The following RHOH variants were observed in gnomAD, a reference collection of about 807,000 sequenced individuals.
RHOH encodes the protein rho-related GTP-binding protein RhoH.
In RHOH, 6 loss-of-function variants were observed where a neutral mutation model predicts 13.8. The observed-to-expected ratio is 0.44, with a 90% CI of 0.24 to 0.86. The LOEUF is 0.86. Ranked by LOEUF, RHOH falls within the 40% of genes least tolerant of loss-of-function variation. The probability of loss-of-function intolerance (pLI) is 0.24; values close to 1 mark genes in which losing one functional copy is unlikely to be tolerated. For missense variants in RHOH, 147 were observed against 244.5 expected (o/e 0.60, Z 2.66); for synonymous variants, 117 against 103.0 (o/e 1.14, Z -0.82).
At chr4:40,231,318 A>ATTTTTTTTT (rs3071888) in intron 1 of RHOH, among the ~76,000 whole-genome samples, 2 of 127,758 alleles carry the variant, frequency 1.6e-5, no homozygotes, top group Non-Finnish European at 1.6e-5. Flanking sequence ...TTCTTAGGTG[A>ATTTTTTTTT]TTTTTTTTTT....
At chr4:40,205,320 A>G (rs1255676554) in intron 1 of RHOH, among the ~76,000 whole-genome samples, 2 of 152,206 alleles carry the variant, frequency 1.3e-5, no homozygotes, top group Non-Finnish European at 2.9e-5. Flanking sequence ...TCTAGAGTGT[A>G]GTGAGTAGTG....
intron 1 of RHOH, among the ~76,000 whole-genome samples, chr4:40,231,057 T>A (rs544183663): frequency 6.6e-6 from 1 of 152,276 alleles, no homozygotes; most frequent in East Asian, 1.9e-4. Context: ...TTAAATGCAC[T>A]TAAGCAAGGA....
chr4:40,226,394 C>T (rs1020091621), intron 1 of RHOH, among the ~76,000 whole-genome samples: 2 of 151,908 alleles, frequency 1.3e-5, no homozygotes, highest in Admixed American at 6.6e-5. Context: ...GGTGTGGTGG[C>T]GCATGCCTGT....
chr4:40,194,236 T>C (rs1218933149), upstream of RHOH, among the ~76,000 whole-genome samples: 1 of 142,736 alleles, frequency 7.0e-6, no homozygotes, highest in African/African-American at 2.6e-5. Flanking sequence ...TTATTATTAT[T>C]ATTATTTTTT....
rs907568760 is a variant in RHOH at position 40,246,901 on chromosome 4, C to T, written c.*2939C>T. The T allele has an allele frequency of 6.6e-6, 1 of 152,138 alleles. No homozygotes were observed. Among genetic ancestry groups the T allele is most frequent in the African/African-American group, 2.4e-5 (1 of 41,420 alleles). The allele number at this position is 152,138 out of a possible 1,614,324, so 9.4% of individuals were successfully genotyped here. A position where few individuals can be genotyped will look rare whatever the true frequency, so the allele number is the denominator to read the frequency against. ...TACCTTTTTGTAGACTATTGCATATCGATTCTTAACTATTCCAAGTAGCAG... is the reference window on the plus strand; with the variant it reads ...TACCTTTTTGTAGACTATTGCATATTGATTCTTAACTATTCCAAGTAGCAG... On this transcript the variant is annotated 3_prime_UTR_variant, in exon 3 of 3. Coordinates refer to ENST00000381799, the MANE Select transcript of RHOH (RefSeq NM_004310.5).
intron 1 of RHOH, among the ~76,000 whole-genome samples, chr4:40,232,082 A>C (rs566478746): frequency 1.3e-5 from 2 of 152,280 alleles, no homozygotes; most frequent in South Asian, 4.1e-4. Context: ...TCCTTGCTGA[A>C]GTTTATGTCT....
At chr4:40,236,874 T>C (rs1728647383) in intron 1 of RHOH, among the ~76,000 whole-genome samples, 1 of 151,988 alleles carries the variant, frequency 6.6e-6, no homozygotes, top group African/African-American at 2.4e-5. Context: ...ATATAGCTAA[T>C]TATGGTGAAA....
At chr4:40,234,019 G>C (rs755431137) in intron 1 of RHOH, among the ~76,000 whole-genome samples, 1 of 152,082 alleles carries the variant, frequency 6.6e-6, no homozygotes, top group Non-Finnish European at 1.5e-5. Flanking sequence ...CCAGGTGGCG[G>C]GCTGGATTCA....
At chr4:40,203,540 G>A (rs1446072347) in intron 1 of RHOH, among the ~76,000 whole-genome samples, 1 of 150,436 alleles carries the variant, frequency 6.6e-6, no homozygotes, top group African/African-American at 2.5e-5. Context: ...GTGTGTGTGT[G>A]TGTGAGAGAG....
intron 1 of RHOH, among the ~76,000 whole-genome samples, chr4:40,210,632 T>C (rs976655724): frequency 1.3e-5 from 2 of 151,634 alleles, no homozygotes; most frequent in African/African-American, 2.4e-5. Flanking sequence ...AGAGCATACA[T>C]TCCTAACAGG....
chr4:40,200,867 C>T (rs532352267), intron 1 of RHOH, among the ~76,000 whole-genome samples: 2 of 152,332 alleles, frequency 1.3e-5, no homozygotes, highest in South Asian at 4.1e-4. Context: ...AAATCACATT[C>T]TTTTCTGGTA....
chr4:40,197,737 A>C (rs1723382726), intron 1 of RHOH, among the ~76,000 whole-genome samples: 1 of 152,224 alleles, frequency 6.6e-6, no homozygotes, highest in African/African-American at 2.4e-5. Flanking sequence ...TTCAATCTGG[A>C]ATTTCTAGCT....
At chr4:40,201,226 C>T (rs559219339) in intron 1 of RHOH, among the ~76,000 whole-genome samples, 36 of 152,002 alleles carry the variant, frequency 2.4e-4, no homozygotes, top group African/African-American at 6.8e-4. Flanking sequence ...TTATTCAACC[C>T]GGACAGGTGT....
chr4:40,230,314 A>T (rs889142786), intron 1 of RHOH, among the ~76,000 whole-genome samples: 1 of 151,588 alleles, frequency 6.6e-6, no homozygotes, highest in African/African-American at 2.4e-5. Flanking sequence ...GTGTGAATAC[A>T]GGTGTGAGTC....
chr4:40,224,841 CT>C (rs1174512075), intron 1 of RHOH, among the ~76,000 whole-genome samples: 1 of 152,226 alleles, frequency 6.6e-6, no homozygotes, highest in Non-Finnish European at 1.5e-5. Context: ...AGAATGCAAA[CT>C]ACAAAGTATA....
intron 1 of RHOH, among the ~76,000 whole-genome samples, chr4:40,203,291 G>C (rs1431568769): frequency 6.6e-6 from 1 of 152,156 alleles, no homozygotes; most frequent in Non-Finnish European, 1.5e-5. Flanking sequence ...GTTTTAGTGT[G>C]TTTAAGAATC....
rs765575265 is a variant in RHOH, at chr4:40,243,696, A to G, written c.310A>G (p.Ser104Gly). ...GAACAAGTGGATTGGTGAAATTAGG[A>G]GCAACTTGCCCTGTACCCCTGTGCT... ...LKNKWIGEIR[S>G]NLPCTPVLVV... Residue 104 changes from serine to glycine, a missense_variant, in exon 3 of 3, where the codon AGC becomes GGC. Around this residue, in one of 3 missense-constraint regions of RHOH, gnomAD observed 80 missense variants for 152.0 expected, o/e 0.53. Coordinates refer to ENST00000381799, the MANE Select transcript of RHOH (RefSeq NM_004310.5). This position sits in a 1 kb window ranked among gnomAD's most constrained non-coding sequence, Gnocchi z 6.2. The G allele has an allele frequency of 3.7e-6, 6 of 1,614,062 alleles. No homozygotes were observed. In the African/African-American group the frequency reaches 8.0e-5, roughly 22 times the overall value.
In RHOH at chr4:40,246,785, G is replaced by C. The variant is rs1729791659; in HGVS notation, c.*2823G>C. 6.6e-6 allele frequency: 1 copy of C among 152,226 alleles called. No homozygotes were observed. The highest frequency in any genetic ancestry group is 1.5e-5 in the Non-Finnish European group (1 of 68,042). The allele number at this position is 152,226 out of a possible 1,614,324, so 9.4% of individuals were successfully genotyped here. ...AGAAGAAAAATAGGTCATATGGGTAGAATCCGTGTGTTGTGTGTTCTACAT... is the reference window on the plus strand; with the variant it reads ...AGAAGAAAAATAGGTCATATGGGTACAATCCGTGTGTTGTGTGTTCTACAT... On this transcript the variant is annotated 3_prime_UTR_variant, in exon 3 of 3. Coordinates refer to ENST00000381799, the MANE Select transcript of RHOH (RefSeq NM_004310.5).
At chr4:40,197,745 G>C (rs558380785) in intron 1 of RHOH, among the ~76,000 whole-genome samples, 1 of 152,282 alleles carries the variant, frequency 6.6e-6, no homozygotes, top group Middle Eastern at 3.4e-3. Context: ...GGAATTTCTA[G>C]CTTGTGTTTT....
Sources: allele counts gnomAD v4.1 joint callset (sites outside exome capture counted in the v4.1 genomes callset), GRCh38; gene constraint gnomAD v4.1.1; regional missense constraint gnomAD v4.1.1; non-coding constraint Gnocchi (gnomAD v3.1); transcripts MANE v1.5; gene names NCBI Gene and HGNC (gene_info 2026-07-23, HGNC 2026-07-21).